The following RIPOR2 variants were observed in gnomAD, a reference collection of about 807,000 sequenced individuals.
RIPOR2 encodes the protein rho family-interacting cell polarization regulator 2.
A neutral mutation model predicts 114.5 loss-of-function variants in RIPOR2; 39 were observed. The ratio of observed to expected loss-of-function variants is 0.34; its 90% CI spans 0.26 to 0.44. The LOEUF (loss-of-function observed/expected upper bound fraction) is 0.44, where lower values mean the gene tolerates loss of function less well. Ranked by LOEUF, RIPOR2 falls within the 20% of genes least tolerant of loss-of-function variation. The pLI is 1.00. For missense variants in RIPOR2, 1,007 were observed against 1,255.1 expected (o/e 0.80, Z 2.99); for synonymous variants, 445 against 484.4 (o/e 0.92, Z 1.07).
At chr6:24,896,445 GA>G (rs58648012) in intron 1 of RIPOR2, among the ~76,000 whole-genome samples, 4,938 of 151,858 alleles carry the variant, frequency 0.033, 217 homozygotes, top group African/African-American at 0.098. Context: ...TCTCCTAGAG[GA>G]AAAAAAACTT....
chr6:25,041,954 C>T, exon 1 of RIPOR2: 1 of 697,976 alleles, frequency 1.4e-6, no homozygotes, highest in Non-Finnish European at 2.6e-6. Context: ...CTAAAACCTG[C>T]TCATGGCAAA....
intron 1 of RIPOR2, among the ~76,000 whole-genome samples, chr6:24,935,366 C>CAG (rs112681010): frequency 0.31 from 43,243 of 141,350 alleles, 6,465 homozygotes; most frequent in East Asian, 0.36. Flanking sequence ...GAAAGATAGA[C>CAG]AGAGAGAGAG....
chr6:24,852,670 T>C (rs1410862769), intron 8 of RIPOR2, 52 bp from the exon 9 acceptor site: 1 of 1,348,322 alleles, frequency 7.4e-7, no homozygotes, highest in African/African-American at 1.5e-5. Context: ...CCCCTCTCTA[T>C]AGACACATAC....
rs376014092 is a variant in RIPOR2 at position 24,909,371 on chromosome 6, C to T, written c.61+26467G>A. Among the ~76,000 whole-genome samples the T allele has an allele frequency of 5.3e-5, 8 of 152,204 alleles. No individual in the cohort carries two copies. The East Asian group carries it at 9.7e-4, about 18-fold the overall frequency. ...TCGGAGAGTTCGTGGCTGACATCCC[C>T]TGCTTGTGACAGCAGCTAAAATACA... is the stretch of plus-strand genomic sequence containing the variant. On this transcript the variant is annotated intron_variant, in intron 1 of 21. Transcript: ENST00000643898.
intron 11 of RIPOR2, among the ~76,000 whole-genome samples, chr6:24,849,291 T>G (rs1762624554): frequency 6.6e-6 from 1 of 152,184 alleles, no homozygotes; most frequent in Non-Finnish European, 1.5e-5. Context: ...AAAAAAGATA[T>G]CTCTTGCCCT....
At chr6:24,923,041 C>T (rs1026016670) in intron 1 of RIPOR2, among the ~76,000 whole-genome samples, 1 of 152,070 alleles carries the variant, frequency 6.6e-6, no homozygotes, top group African/African-American at 2.4e-5. Context: ...CCTGCTCTCT[C>T]CTCCCCCCAG....
At chr6:25,013,412 G>A (rs1775852249) in intron 1 of RIPOR2, among the ~76,000 whole-genome samples, 1 of 152,148 alleles carries the variant, frequency 6.6e-6, no homozygotes, top group South Asian at 2.1e-4. Flanking sequence ...GGCTATAGCG[G>A]GGTGTGGACT....
rs369031987 is a variant in RIPOR2, at chr6:24,974,553, A to G, written c.76+67298T>C. On this transcript the variant is annotated intron_variant, in intron 1 of 13. Coordinates refer to the RIPOR2 transcript ENST00000510784. ...GATGTGGAGAAACTGGAGCCCCTAT[A>G]CATTGCTGGTGGGAATGTAAAATGG... Among the ~76,000 whole-genome samples, 14 of 152,328 alleles carry G rather than the reference A, an allele frequency of 9.2e-5. No homozygotes were observed. In the South Asian group the frequency reaches 2.5e-3, roughly 27 times the overall value.
At chr6:24,844,455 T>A (rs1482178972) in intron 12 of RIPOR2, among the ~76,000 whole-genome samples, 1 of 152,086 alleles carries the variant, frequency 6.6e-6, no homozygotes, top group African/African-American at 2.4e-5. Flanking sequence ...ATTAACCCCT[T>A]CAAAATGGTT....
chr6:24,929,939 GGT>G (rs970757149), intron 1 of RIPOR2, among the ~76,000 whole-genome samples: 2 of 152,134 alleles, frequency 1.3e-5, no homozygotes, highest in African/African-American at 4.8e-5. Flanking sequence ...AGCTGGATAT[GGT>G]GGTGCACACC....
At chr6:24,911,137 G>T in intron 1 of RIPOR2, 1 of 185,622 alleles carries the variant, frequency 5.4e-6, no homozygotes, top group South Asian at 1.6e-4. Context: ...TGAGGAGGGG[G>T]AGGCGCGGCG....
chr6:25,024,222 T>A, intron 1 of RIPOR2: 1 of 1,514,156 alleles, frequency 6.6e-7, no homozygotes, highest in East Asian at 2.3e-5. Context: ...GCCCAGGAGG[T>A]AGCGGTCCTC....
intron 1 of RIPOR2, among the ~76,000 whole-genome samples, chr6:24,951,270 G>A (rs754911180): frequency 6.6e-6 from 1 of 152,122 alleles, no homozygotes; most frequent in Non-Finnish European, 1.5e-5. Context: ...CCTGATTATG[G>A]TTTTTATGCT....
chr6:24,876,178 C>T (rs934850866), intron 1 of RIPOR2, among the ~76,000 whole-genome samples: 2 of 151,752 alleles, frequency 1.3e-5, no homozygotes, highest in Non-Finnish European at 2.9e-5. Context: ...TAATCCTAAC[C>T]ACTCGGGAGG....
At chr6:24,987,762 A>G (rs563550486) in intron 1 of RIPOR2, among the ~76,000 whole-genome samples, 3 of 152,344 alleles carry the variant, frequency 2.0e-5, no homozygotes, top group South Asian at 4.1e-4. Context: ...CATATACCAC[A>G]TGGGATAAAT....
chr6:24,967,227 G>A (rs1561813861), intron 1 of RIPOR2, among the ~76,000 whole-genome samples: 1 of 152,188 alleles, frequency 6.6e-6, no homozygotes, highest in Non-Finnish European at 1.5e-5. Flanking sequence ...GTCATGGCTT[G>A]AGAAATCATG....
chr6:25,005,694 G>T (rs1478752486), intron 1 of RIPOR2, among the ~76,000 whole-genome samples: 30 of 45,376 alleles, frequency 6.6e-4, no homozygotes, highest in African/African-American at 8.4e-4. Flanking sequence ...TCCCTATGGA[G>T]ATATATATAT....
At chr6:24,873,564 A>G (rs888554279) in intron 3 of RIPOR2, 80 bp downstream of exon 3, 3 of 1,297,070 alleles carry the variant, frequency 2.3e-6, no homozygotes, top group Middle Eastern at 3.7e-4. Context: ...TAGACATCTG[A>G]AAAATGATCT....
At chr6:24,834,490 T>C (rs1386202654) in intron 15 of RIPOR2, among the ~76,000 whole-genome samples, 1 of 152,098 alleles carries the variant, frequency 6.6e-6, no homozygotes. Context: ...TCTTTTCTTT[T>C]TTTAATGAGG....
Sources: allele counts gnomAD v4.1 joint callset (sites outside exome capture counted in the v4.1 genomes callset), GRCh38; gene constraint gnomAD v4.1.1; transcripts MANE v1.5; gene names NCBI Gene and HGNC (gene_info 2026-07-23, HGNC 2026-07-21).